Variants in CDC14A observed in about 807,000 individuals in gnomAD.
The protein encoded by CDC14A is cell division cycle 14A, also known as dual specificity protein phosphatase CDC14A.
In CDC14A, 53 loss-of-function variants were observed where a neutral mutation model predicts 74.4. That is an observed-to-expected ratio of 0.71 (90% CI 0.57 to 0.89). The LOEUF (loss-of-function observed/expected upper bound fraction) is 0.89, where lower values mean the gene tolerates loss of function less well. CDC14A is among the 40% of genes least tolerant of loss of function. The pLI is 0.00. For missense variants in CDC14A, 646 were observed against 713.7 expected (o/e 0.91, Z 1.08); for synonymous variants, 247 against 258.4 (o/e 0.96, Z 0.43).
intron 15 of CDC14A, among the ~76,000 whole-genome samples, chr1:100,503,108 C>G (rs548302066): frequency 1.3e-5 from 2 of 152,162 alleles, no homozygotes; most frequent in Admixed American, 6.5e-5. Flanking sequence ...CTTCTGCTGA[C>G]TTGTGGTCAA....
At chr1:100,359,937 C>G (rs1327051930) in intron 2 of CDC14A, among the ~76,000 whole-genome samples, 2 of 144,224 alleles carry the variant, frequency 1.4e-5, no homozygotes, top group Admixed American at 1.4e-4. Flanking sequence ...CTTTTTTTCA[C>G]CTTCTTCTTT....
chr1:100,350,167 C>G (rs1270344976), upstream of CDC14A, among the ~76,000 whole-genome samples: 3 of 152,014 alleles, frequency 2.0e-5, no homozygotes, highest in Non-Finnish European at 4.4e-5. Context: ...GTTGGCCAGG[C>G]TGGTCTCGAA....
At chr1:100,417,275 A>G (rs1037716741) in intron 4 of CDC14A, among the ~76,000 whole-genome samples, 1 of 152,210 alleles carries the variant, frequency 6.6e-6, no homozygotes, top group African/African-American at 2.4e-5. Context: ...TGGTCACTTC[A>G]TAGGCCATTC....
At chr1:100,484,569 T>C in intron 11 of CDC14A, 118 bp downstream of exon 11, 3 of 1,339,132 alleles carry the variant, frequency 2.2e-6, no homozygotes, top group Non-Finnish European at 2.9e-6. Flanking sequence ...ACCAAGTTTT[T>C]AGAAGTAGAG....
At chr1:100,465,716 C>A (rs140016000) in intron 9 of CDC14A, among the ~76,000 whole-genome samples, 100 of 152,324 alleles carry the variant, frequency 6.6e-4, no homozygotes, top group Admixed American at 3.2e-3. Context: ...ATCTGCATTT[C>A]ACTTTGTGGT....
At chr1:100,453,512 A>C (rs1666354307) in intron 7 of CDC14A, among the ~76,000 whole-genome samples, 1 of 152,250 alleles carries the variant, frequency 6.6e-6, no homozygotes, top group South Asian at 2.1e-4. Flanking sequence ...TAAACAAGCA[A>C]ATTTTAATTG....
In CDC14A at chr1:100,377,547, T is replaced by G. The variant is rs1281824168; in HGVS notation, c.142T>G (p.Phe48Val). The part of the protein sequence containing the change: ...SIDEELVYEN[F>V]YADFGPLNLA... ...TTTTTTGTTTTTCTTGTATCTTAGT[T>G]TCTATGCAGATTTTGGACCGCTGAA... The change falls in exon 3 of 16, where the codon TTC (phenylalanine) becomes GTC (valine). Residue 48 changes from phenylalanine to valine, a missense_variant and splice_region_variant. By Grantham distance (50) the Phe-to-Val change is conservative (BLOSUM62 -1). Coordinates refer to ENST00000336454, the MANE Select transcript of CDC14A (RefSeq NM_003672.4). The G allele has an allele frequency of 6.2e-7, 1 of 1,611,250 alleles. No homozygotes were observed. Among genetic ancestry groups the G allele is most frequent in the East Asian group, 2.2e-5 (1 of 44,848 alleles).
chr1:100,485,079 A>G (rs1173182241), intron 11 of CDC14A: 1 of 985,414 alleles, frequency 1.0e-6, no homozygotes, highest in Non-Finnish European at 1.2e-6. Flanking sequence ...GTGTTTTTTT[A>G]TATCACACCC....
At chr1:100,366,364 G>A (rs1454059210) in intron 2 of CDC14A, among the ~76,000 whole-genome samples, 1 of 152,094 alleles carries the variant, frequency 6.6e-6, no homozygotes, top group Admixed American at 6.5e-5. Flanking sequence ...CTGAGGTGTT[G>A]GGAATTTTCA....
chr1:100,496,308 T>C (rs553275369), intron 13 of CDC14A, among the ~76,000 whole-genome samples: 23 of 151,684 alleles, frequency 1.5e-4, no homozygotes, highest in Admixed American at 1.5e-3. Context: ...TAGCACATTG[T>C]GGAGGGGGGT....
intron 8 of CDC14A, 65 bp downstream of exon 8, chr1:100,455,557 T>G: frequency 1.1e-6 from 1 of 893,236 alleles, no homozygotes; most frequent in Non-Finnish European, 1.8e-6. Flanking sequence ...GTTTCTTAAC[T>G]TCCTCAGATA....
At chr1:100,474,675 T>A in intron 10 of CDC14A, among the ~76,000 whole-genome samples, 1 of 151,260 alleles carries the variant, frequency 6.6e-6, no homozygotes, top group East Asian at 1.9e-4. Context: ...GCTTCATTTC[T>A]GATGTTAGTA....
chr1:100,391,724 C>T (rs1342604654), intron 4 of CDC14A, among the ~76,000 whole-genome samples: 1 of 152,184 alleles, frequency 6.6e-6, no homozygotes, highest in African/African-American at 2.4e-5. Flanking sequence ...TCAAACTCTG[C>T]CCCATCAACC....
intron 7 of CDC14A, among the ~76,000 whole-genome samples, chr1:100,446,756 G>GGT (rs1470825053): frequency 6.6e-6 from 1 of 152,126 alleles, no homozygotes; most frequent in Non-Finnish European, 1.5e-5. Flanking sequence ...GGAGTGCAGT[G>GGT]GTGCAACCTA....
chr1:100,437,204 T>G, intron 5 of CDC14A, among the ~76,000 whole-genome samples: 1 of 152,192 alleles, frequency 6.6e-6, no homozygotes, highest in South Asian at 2.1e-4. Context: ...AAAAATCTCC[T>G]TTTAGTGGGG....
chr1:100,399,802 A>T (rs1659020383), intron 4 of CDC14A, among the ~76,000 whole-genome samples: 1 of 151,288 alleles, frequency 6.6e-6, no homozygotes, highest in South Asian at 2.1e-4. Context: ...CAGGAGTTTG[A>T]GGTTGCAGTG....
chr1:100,511,263 G>A (rs545814535), intron 15 of CDC14A, among the ~76,000 whole-genome samples: 1 of 152,156 alleles, frequency 6.6e-6, no homozygotes, highest in Non-Finnish European at 1.5e-5. Flanking sequence ...TCCTCTCACA[G>A]TTTCTCCTTT....
intron 5 of CDC14A, among the ~76,000 whole-genome samples, chr1:100,424,798 C>G (rs942970023): frequency 3.3e-4 from 51 of 152,314 alleles, no homozygotes; most frequent in Admixed American, 3.2e-3. Flanking sequence ...GGAAGCCTTT[C>G]TCTCATTACT....
intron 2 of CDC14A, among the ~76,000 whole-genome samples, chr1:100,364,973 G>A (rs1226958907): frequency 1.3e-5 from 2 of 152,128 alleles, no homozygotes; most frequent in African/African-American, 2.4e-5. Flanking sequence ...TATTTACCTC[G>A]GGTTAAGAAG....
Sources: allele counts gnomAD v4.1 joint callset (sites outside exome capture counted in the v4.1 genomes callset), GRCh38; gene constraint gnomAD v4.1.1; transcripts MANE v1.5; gene names NCBI Gene and HGNC (gene_info 2026-07-23, HGNC 2026-07-21).